Variants in SH3PXD2A observed in about 807,000 individuals in gnomAD.
The protein encoded by SH3PXD2A is SH3 and PX domains 2A.
SH3PXD2A carries 32 observed loss-of-function variants against 115.2 expected under a neutral mutation model. That is an observed-to-expected ratio of 0.28 (90% confidence interval 0.21 to 0.37). SH3PXD2A has a LOEUF of 0.37. Ranked by LOEUF, SH3PXD2A falls within the 10% of genes least tolerant of loss-of-function variation. The pLI is 1.00. For missense variants in SH3PXD2A, 1,328 were observed against 1,498.7 expected (o/e 0.89, Z 1.88); for synonymous variants, 610 against 629.1 (o/e 0.97, Z 0.45).
intron 13 of SH3PXD2A, among the ~76,000 whole-genome samples, chr10:103,610,789 T>C (rs1294974958): frequency 6.6e-6 from 1 of 152,208 alleles, no homozygotes; most frequent in Middle Eastern, 3.2e-3. Context: ...AGATGGCTAG[T>C]ACTGTCCCGT....
intron 3 of SH3PXD2A, among the ~76,000 whole-genome samples, chr10:103,762,017 T>C (rs956478291): frequency 4.8e-3 from 303 of 63,324 alleles, no homozygotes; most frequent in African/African-American, 0.018. Flanking sequence ...AACACGTCTT[T>C]TTTTTTTTTT....
At chr10:103,714,610 C>T (rs1444352879) in intron 5 of SH3PXD2A, among the ~76,000 whole-genome samples, 1 of 152,222 alleles carries the variant, frequency 6.6e-6, no homozygotes, top group Non-Finnish European at 1.5e-5. Context: ...CATTTTCCTG[C>T]CACCTGCCCA....
chr10:103,642,176 G>T (rs1231698610), intron 8 of SH3PXD2A, among the ~76,000 whole-genome samples: 2 of 140,184 alleles, frequency 1.4e-5, no homozygotes, highest in African/African-American at 2.7e-5. Flanking sequence ...CTTCAAGAAA[G>T]AAATTTGCTA....
At chr10:103,854,719 C>A (rs1842924624) in intron 1 of SH3PXD2A, among the ~76,000 whole-genome samples, 1 of 152,134 alleles carries the variant, frequency 6.6e-6, no homozygotes, top group Non-Finnish European at 1.5e-5. Flanking sequence ...CTTCTGCCCC[C>A]AGCCCCAGGC....
At position 103,794,253 on chromosome 10, in the gene SH3PXD2A, C is replaced by T. The variant is rs190083886; in HGVS notation, c.153+7029G>A. On this transcript the variant is annotated intron_variant, in intron 2 of 14. Coordinates refer to ENST00000369774, the MANE Select transcript of SH3PXD2A (RefSeq NM_001394015.1). ...AAAAGCTTGTCAAAATAGGTTAAGT[C>T]CTTCAGAGCCAATGAGCAAACCTGA... Among the ~76,000 whole-genome samples the T allele has an allele frequency of 1.3e-3, 205 of 152,296 alleles. 2 individuals carry two copies. Among genetic ancestry groups the T allele is most frequent in the African/African-American group, 4.7e-3 (195 of 41,558 alleles).
chr10:103,674,290 C>G (rs2037499668), intron 6 of SH3PXD2A, among the ~76,000 whole-genome samples: 1 of 152,192 alleles, frequency 6.6e-6, no homozygotes, highest in Non-Finnish European at 1.5e-5. Flanking sequence ...GAACAGGGCA[C>G]TTCCTTGTGG....
chr10:103,608,153 A>AAAAAAAAAAAAAAGTTTAC (rs1564842925), intron 13 of SH3PXD2A, among the ~76,000 whole-genome samples: 1 of 141,714 alleles, frequency 7.1e-6, no homozygotes, highest in African/African-American at 2.6e-5. Flanking sequence ...ATCAATTTAA[A>AAAAAAAAAAAAAAGTTTAC]AAAAAAAAAA....
rs2133899419 is a variant in SH3PXD2A, at chr10:103,598,962, T to G, written c.*2854A>C. The G allele has an allele frequency of 6.5e-6, 1 of 152,716 alleles. No individual in the cohort carries two copies. The highest frequency in any genetic ancestry group is 1.9e-4 in the East Asian group (1 of 5,186). 9.5% of individuals were successfully genotyped at this position (152,716 alleles called of 1,614,324 possible). On this transcript the variant is annotated 3_prime_UTR_variant, in exon 15 of 15. Coordinates refer to ENST00000369774, the MANE Select transcript of SH3PXD2A (RefSeq NM_001394015.1). ...CTGTTCACTGCCCAAATCTACATGC[T>G]GTCACCAGATGGCAGCATTCCCCAC...
At chr10:103,806,608 T>A (rs940760772) in intron 1 of SH3PXD2A, among the ~76,000 whole-genome samples, 10 of 152,170 alleles carry the variant, frequency 6.6e-5, no homozygotes, top group Non-Finnish European at 1.3e-4. Flanking sequence ...CAAGATAACA[T>A]TACCCGGCAG....
intron 1 of SH3PXD2A, among the ~76,000 whole-genome samples, chr10:103,834,696 G>A (rs762034): frequency 1 from 151,909 of 152,372 alleles, 75,732 homozygotes; most frequent in Middle Eastern, 1. Flanking sequence ...TACCATTAAC[G>A]TTGCTTTTAT....
intron 1 of SH3PXD2A, among the ~76,000 whole-genome samples, chr10:103,824,059 C>T (rs961273404): frequency 2.0e-5 from 3 of 152,190 alleles, no homozygotes; most frequent in African/African-American, 7.2e-5. Flanking sequence ...AATGTATTGG[C>T]TTGCGGGGCT....
chr10:103,761,362 T>C (rs2038697798), intron 3 of SH3PXD2A, among the ~76,000 whole-genome samples: 1 of 152,200 alleles, frequency 6.6e-6, no homozygotes, highest in Non-Finnish European at 1.5e-5. Flanking sequence ...GAGTGCCTAG[T>C]ATTTTTGCAA....
intron 5 of SH3PXD2A, among the ~76,000 whole-genome samples, chr10:103,718,651 T>C (rs567957390): frequency 3.9e-5 from 6 of 152,164 alleles, no homozygotes; most frequent in African/African-American, 1.2e-4. Context: ...GGCCTAATAT[T>C]TAAATGAATA....
chr10:103,607,842 G>A (rs1427923078), intron 13 of SH3PXD2A, among the ~76,000 whole-genome samples: 31 of 152,248 alleles, frequency 2.0e-4, no homozygotes, highest in African/African-American at 7.5e-4. Flanking sequence ...CTGTTGATCT[G>A]TGACCTTACC....
At position 103,835,872 on chromosome 10, in the gene SH3PXD2A, A is replaced by G. The variant is rs1237020766; in HGVS notation, c.72+19323T>C. ...CTGAAGCCAGAAATCACGTTTCTAG[A>G]GCAAGTGCCCCAAGTGGAGAGGGAG... On this transcript the variant is annotated intron_variant, in intron 1 of 14. Transcript: ENST00000369774. Among the ~76,000 whole-genome samples the G allele has an allele frequency of 3.3e-5, 5 of 152,188 alleles. No individual in the cohort carries two copies. The East Asian group carries it at 9.6e-4, about 29-fold the overall frequency.
intron 6 of SH3PXD2A, among the ~76,000 whole-genome samples, chr10:103,671,053 T>G (rs1271848109): frequency 6.6e-6 from 1 of 152,248 alleles, no homozygotes; most frequent in Non-Finnish European, 1.5e-5. Flanking sequence ...TCAGTTTGCT[T>G]GACCACTTTG....
chr10:103,759,665 G>A (rs961507181), intron 3 of SH3PXD2A, among the ~76,000 whole-genome samples: 18 of 152,200 alleles, frequency 1.2e-4, no homozygotes, highest in African/African-American at 3.1e-4. Flanking sequence ...ACTTCATGTC[G>A]TAATGACCAT....
chr10:103,810,566 T>C (rs2039256052), intron 1 of SH3PXD2A, among the ~76,000 whole-genome samples: 1 of 152,152 alleles, frequency 6.6e-6, no homozygotes, highest in South Asian at 2.1e-4. Flanking sequence ...CTTAGGCAAG[T>C]GTCTTAGACC....
chr10:103,827,255 G>A (rs2039439469), intron 1 of SH3PXD2A, among the ~76,000 whole-genome samples: 1 of 152,108 alleles, frequency 6.6e-6, no homozygotes, highest in Non-Finnish European at 1.5e-5. Flanking sequence ...GGCGGGGCTG[G>A]TGGAATTCCT....
Sources: gnomAD v4.1 joint callset for allele counts (sites outside exome capture counted in the v4.1 genomes callset) on GRCh38, gnomAD v4.1.1 for gene constraint, MANE v1.5 for transcripts, NCBI Gene and HGNC (gene_info 2026-07-23, HGNC 2026-07-21) for gene names.